CFAP97D2: variants seen among roughly 807,000 people sequenced by gnomAD.
CFAP97D2 encodes uncharacterized protein CFAP97D2.
intron 4 of CFAP97D2, chr13:114,214,304 T>C (rs1400088136): frequency 1.3e-5 from 2 of 152,228 alleles, no homozygotes; most frequent in African/African-American, 4.8e-5. Context: ...CAAAGACGCA[T>C]GACTGTTAAG....
At chr13:114,221,128 T>C (rs2081019608) in intron 4 of CFAP97D2, among the ~76,000 whole-genome samples, 1 of 152,194 alleles carries the variant, frequency 6.6e-6, no homozygotes, top group African/African-American at 2.4e-5. Context: ...GCGCCTGTAG[T>C]CCCAGCTACT....
At chr13:114,195,524 G>A (rs1228757181) in intron 1 of CFAP97D2, among the ~76,000 whole-genome samples, 3 of 152,138 alleles carry the variant, frequency 2.0e-5, no homozygotes, top group African/African-American at 2.4e-5. Context: ...AGCAGGTCCC[G>A]TAGTTAACTA....
Position 114,185,293 on chromosome 13 carries a change from G to A in CFAP97D2, c.90+5873G>A, listed in dbSNP as rs528145399. On this transcript the variant is annotated intron_variant, in intron 1 of 4. Coordinates refer to ENST00000646158, the Ensembl canonical transcript of CFAP97D2. The surrounding 1 kb of genome is among the most constrained non-coding windows in gnomAD (Gnocchi z 5.2). ...CCTGGAACCTGTCACCCTAAGAGCCGCTGTGATGGAGCCAGGCCGAGCTGC... is the reference window on the plus strand; with the variant it reads ...CCTGGAACCTGTCACCCTAAGAGCCACTGTGATGGAGCCAGGCCGAGCTGC... Among the ~76,000 whole-genome samples, 115 of 152,330 alleles carry A rather than the reference G, an allele frequency of 7.5e-4. No individual in the cohort carries two copies. Among genetic ancestry groups the A allele is most frequent in the South Asian group, 1.2e-3 (6 of 4,824 alleles).
Position 114,203,467 on chromosome 13 carries a change from T to G in CFAP97D2, c.290+3024T>G, listed in dbSNP as rs1230498661. ...TATGGATTCAGAAGTCTTGCTATATTAAGATGGCAATATACAAACTATTGC... is the reference window on the plus strand; with the variant it reads ...TATGGATTCAGAAGTCTTGCTATATGAAGATGGCAATATACAAACTATTGC... On this transcript the variant is annotated intron_variant, in intron 3 of 4. Coordinates refer to ENST00000646158, the Ensembl canonical transcript of CFAP97D2. This position sits in a 1 kb window ranked among gnomAD's most constrained non-coding sequence, Gnocchi z 4.3. Among the ~76,000 whole-genome samples the G allele has an allele frequency of 6.6e-6, 1 of 152,224 alleles. No homozygotes were observed. The highest frequency in any genetic ancestry group is 6.5e-5 in the Admixed American group (1 of 15,286).
At chr13:114,182,568 T>C (rs956228907) in intron 1 of CFAP97D2, among the ~76,000 whole-genome samples, 1 of 152,166 alleles carries the variant, frequency 6.6e-6, no homozygotes, top group Non-Finnish European at 1.5e-5. Flanking sequence ...GGGAGAAACC[T>C]TGGACAATAC....
intron 3 of CFAP97D2, among the ~76,000 whole-genome samples, chr13:114,204,330 G>A (rs1037714345): frequency 6.6e-6 from 1 of 152,102 alleles, no homozygotes; most frequent in Non-Finnish European, 1.5e-5. Flanking sequence ...TGCGCAGGAG[G>A]GCTGCGTGTT....
In CFAP97D2 at chr13:114,222,208, G is replaced by T. The variant is rs2081025150; in HGVS notation, c.481-290G>T. On this transcript the variant is annotated intron_variant, in intron 4 of 4. Coordinates refer to ENST00000646158, the Ensembl canonical transcript of CFAP97D2. The surrounding 1 kb of genome is among the most constrained non-coding windows in gnomAD (Gnocchi z 4.4). ...GTCGGGGCTGGGGGAAGGGAAATTG[G>T]GGAGTGATCCCAAAGGAGTTTGATT... Among the ~76,000 whole-genome samples, 1 of 152,170 alleles carries T rather than the reference G, an allele frequency of 6.6e-6. No individual in the cohort carries two copies. The highest frequency in any genetic ancestry group is 6.5e-5 in the Admixed American group (1 of 15,270).
chr13:114,208,771 G>GC (rs1566615694), intron 3 of CFAP97D2, among the ~76,000 whole-genome samples: 1 of 152,152 alleles, frequency 6.6e-6, no homozygotes, highest in East Asian at 1.9e-4. Flanking sequence ...AAATCTCCCA[G>GC]CCCATGTCTC....
intron 2 of CFAP97D2, among the ~76,000 whole-genome samples, chr13:114,198,599 T>A (rs180947677): frequency 5.3e-5 from 8 of 152,338 alleles, no homozygotes; most frequent in Admixed American, 5.2e-4. Flanking sequence ...TGCGTTCCAA[T>A]CCATGGGCAA....
intron 3 of CFAP97D2, among the ~76,000 whole-genome samples, chr13:114,209,318 T>C (rs753069440): frequency 2.2e-4 from 34 of 152,150 alleles, no homozygotes; most frequent in Non-Finnish European, 5.9e-5. Context: ...CTTAATTGGA[T>C]GACATCAATT....
At chr13:114,202,040 C>G (rs1160758315) in intron 3 of CFAP97D2, among the ~76,000 whole-genome samples, 1 of 152,248 alleles carries the variant, frequency 6.6e-6, no homozygotes, top group African/African-American at 2.4e-5. Flanking sequence ...ACCCACCACC[C>G]TCTGCCCATC....
rs938605473 is a variant in CFAP97D2 at position 114,187,352 on chromosome 13, A to T, written c.90+7932A>T. ...ATTAATCACTTTGTAAGAGTAGATT[A>T]AAAAAAAAAGGCCCAACTATATGTT... On this transcript the variant is annotated intron_variant, in intron 1 of 4. Coordinates refer to ENST00000646158, the Ensembl canonical transcript of CFAP97D2. This position sits in a 1 kb window ranked among gnomAD's most constrained non-coding sequence, Gnocchi z 4.2. 6.7e-5 allele frequency among the ~76,000 whole-genome samples: 10 copies of T among 148,554 alleles called. No individual in the cohort carries two copies. The highest frequency in any genetic ancestry group is 9.8e-5 in the African/African-American group (4 of 40,638).
In CFAP97D2 at chr13:114,214,621, C is replaced by G. The variant is rs532736206; in HGVS notation, c.480+2520C>G. On this transcript the variant is annotated intron_variant, in intron 4 of 4. Coordinates refer to ENST00000646158, the Ensembl canonical transcript of CFAP97D2. Reference sequence around the variant, plus strand: ...TTGTTTGTTGAGATGGAGTCTCACTCTGTCACCCAGGCTGGAGTGCAGTGG... The same window carrying G: ...TTGTTTGTTGAGATGGAGTCTCACTGTGTCACCCAGGCTGGAGTGCAGTGG... Among the ~76,000 whole-genome samples, 362 of 148,872 alleles carry G rather than the reference C, an allele frequency of 2.4e-3. 2 individuals carry two copies. Among genetic ancestry groups the G allele is most frequent in the Non-Finnish European group, 4.1e-3 (277 of 67,442 alleles).
intron 1 of CFAP97D2, among the ~76,000 whole-genome samples, chr13:114,190,178 T>C (rs2138755215): frequency 6.6e-6 from 1 of 152,168 alleles, no homozygotes; most frequent in Non-Finnish European, 1.5e-5. Context: ...AACCTCTACC[T>C]AACATCATAC....
intron 4 of CFAP97D2, among the ~76,000 whole-genome samples, chr13:114,213,542 C>T (rs1426182985): frequency 2.0e-5 from 3 of 146,376 alleles, no homozygotes; most frequent in African/African-American, 7.6e-5. Context: ...GTGGAAGCTC[C>T]AGCACCATGA....
chr13:114,185,298 G>A lies in CFAP97D2; in HGVS notation c.90+5878G>A, dbSNP rs535486857. Among the ~76,000 whole-genome samples, 3 of 152,368 alleles carry A rather than the reference G, an allele frequency of 2.0e-5. No homozygotes were observed. The highest frequency in any genetic ancestry group is 4.4e-5 in the Non-Finnish European group (3 of 68,032). On this transcript the variant is annotated intron_variant, in intron 1 of 4. Coordinates refer to ENST00000646158, the Ensembl canonical transcript of CFAP97D2. This position sits in a 1 kb window ranked among gnomAD's most constrained non-coding sequence, Gnocchi z 5.2. ...AACCTGTCACCCTAAGAGCCGCTGT[G>A]ATGGAGCCAGGCCGAGCTGCCTGCT...
chr13:114,212,101 G>C lies in CFAP97D2; in HGVS notation c.480G>C (p.Lys160Asn), dbSNP rs2080969472. The change falls in exon 4 of 5, where the codon AAG becomes AAC. Residue 160 changes from lysine (K) to asparagine (N), a missense_variant and splice_region_variant. By Grantham distance (94) the Lys-to-Asn change is moderately conservative. Transcript: ENST00000646158. ...AGACAGCAGATACGCCTAGCAAAAAGGTACCCGCACCTTCTTTTTCATCTA... is the reference window on the plus strand; with the variant it reads ...AGACAGCAGATACGCCTAGCAAAAACGTACCCGCACCTTCTTTTTCATCTA... The C allele has an allele frequency of 2.5e-5, 10 of 398,604 alleles. No individual in the cohort carries two copies. The East Asian group carries it at 3.6e-4, about 14-fold the overall frequency. 24.7% of individuals were successfully genotyped at this position (398,604 alleles called of 1,614,324 possible).
intron 1 of CFAP97D2, among the ~76,000 whole-genome samples, chr13:114,182,214 G>A (rs181617078): frequency 0.011 from 1,483 of 134,888 alleles, 79 homozygotes; most frequent in African/African-American, 0.041. Flanking sequence ...TCAAGGGAAG[G>A]TACTATGCCT....
Position 114,186,363 on chromosome 13 carries a change from G to A in CFAP97D2, c.90+6943G>A, listed in dbSNP as rs533157538. Among the ~76,000 whole-genome samples the A allele has an allele frequency of 4.0e-4, 61 of 152,216 alleles. No individual in the cohort carries two copies. The highest frequency in any genetic ancestry group is 7.3e-4 in the Non-Finnish European group (50 of 68,034). ...GCTGCCCACTGTGGGTCTCCTCTGA[G>A]CTGTTCTATTGTTCAGTAAAGCTCC... On this transcript the variant is annotated intron_variant, in intron 1 of 4. Transcript: ENST00000646158. The surrounding 1 kb of genome is among the most constrained non-coding windows in gnomAD (Gnocchi z 4.3).
Sources: allele counts gnomAD v4.1 joint callset (sites outside exome capture counted in the v4.1 genomes callset), GRCh38; gene constraint gnomAD v4.1.1; non-coding constraint Gnocchi (gnomAD v3.1); transcripts MANE v1.5; gene names NCBI Gene and HGNC (gene_info 2026-07-23, HGNC 2026-07-21).